DNAJC13: variants seen among roughly 807,000 people sequenced by gnomAD.
DNAJC13 encodes the protein DnaJ heat shock protein family (Hsp40) member C13, also known as dnaJ homolog subfamily C member 13.
Under a neutral mutation model 290.5 loss-of-function variants are expected in DNAJC13, and 75 were observed. The observed-to-expected ratio is 0.26, with a 90% CI of 0.21 to 0.31. The LOEUF (loss-of-function observed/expected upper bound fraction) is 0.31, where lower values mean the gene tolerates loss of function less well. Ranked by LOEUF, DNAJC13 falls within the 10% of genes least tolerant of loss-of-function variation. The pLI is 1.00. For missense variants in DNAJC13, 2,260 were observed against 2,674.5 expected (o/e 0.85, Z 3.42); for synonymous variants, 862 against 892.0 (o/e 0.97, Z 0.60).
At chr3:132,523,266 C>G in intron 50 of DNAJC13, 67 bp downstream of exon 50, 1 of 1,535,214 alleles carries the variant, frequency 6.5e-7, no homozygotes, top group Non-Finnish European at 9.0e-7. Context: ...TCTACTGAGT[C>G]AGTTTAATGC....
At chr3:132,500,459 C>T (rs1453970314) in intron 38 of DNAJC13, among the ~76,000 whole-genome samples, 1 of 152,174 alleles carries the variant, frequency 6.6e-6, no homozygotes, top group Non-Finnish European at 1.5e-5. Flanking sequence ...ATGAGTCTTT[C>T]AGGCTTCATA....
chr3:132,495,606 AATC>A (rs1935211913), intron 35 of DNAJC13, among the ~76,000 whole-genome samples: 1 of 152,142 alleles, frequency 6.6e-6, no homozygotes, highest in Non-Finnish European at 1.5e-5. Context: ...TCAGATTTTA[AATC>A]ATCATTCCCT....
At position 132,444,126 on chromosome 3, in the gene DNAJC13, CCTCCTG is replaced by C. The variant is rs918476666; in HGVS notation, c.69-2347_69-2342del. On this transcript the variant is annotated intron_variant, in intron 2 of 55. Transcript: ENST00000260818. ...AGCATTACCGCCTGAGCTCCATCCA[CCTCCTG>C]CACATGAGAGGGATCTAGGTTGTGT... Among the ~76,000 whole-genome samples the C allele has an allele frequency of 1.2e-4, 18 of 152,238 alleles. 1 individual carries two copies. The highest frequency in any genetic ancestry group is 4.1e-4 in the African/African-American group (17 of 41,536).
At position 132,471,799 on chromosome 3, in the gene DNAJC13, C is replaced by T. The variant is rs1056839289; in HGVS notation, c.2209-1346C>T. 8.3e-5 allele frequency among the ~76,000 whole-genome samples: 12 copies of T among 144,204 alleles called. 1 individual carries two copies. In the East Asian group the frequency reaches 2.5e-3, roughly 30 times the overall value. 94.6% of individuals were successfully genotyped at this position (144,204 alleles called of 152,430 possible). On this transcript the variant is annotated intron_variant, in intron 20 of 55. Coordinates refer to ENST00000260818, the MANE Select transcript of DNAJC13 (RefSeq NM_015268.4). ...GCAGAGGGGCTCCTCACATCCCAGACGATGGGCGGCCAGGCAGAGACGGTC... is the reference window on the plus strand; with the variant it reads ...GCAGAGGGGCTCCTCACATCCCAGATGATGGGCGGCCAGGCAGAGACGGTC...
At chr3:132,484,309 A>G (rs1039630040) in intron 28 of DNAJC13, 18 of 488,488 alleles carry the variant, frequency 3.7e-5, no homozygotes, top group Non-Finnish European at 6.5e-5. Context: ...AGTGTGTTGA[A>G]CAACACCAAG....
intron 52 of DNAJC13, 98 bp from the exon 53 acceptor site, chr3:132,526,043 G>T (rs936698976): frequency 2.1e-6 from 3 of 1,458,510 alleles, no homozygotes; most frequent in South Asian, 1.4e-5. Flanking sequence ...TGAAAGTAAG[G>T]GATTCTTTTT....
chr3:132,450,400 T>G (rs894456472), intron 5 of DNAJC13, among the ~76,000 whole-genome samples: 1 of 152,136 alleles, frequency 6.6e-6, no homozygotes, highest in South Asian at 2.1e-4. Flanking sequence ...AATAGCTTCA[T>G]AAAATATTGT....
At chr3:132,501,823 C>T (rs1276270953) in intron 39 of DNAJC13, among the ~76,000 whole-genome samples, 1 of 152,098 alleles carries the variant, frequency 6.6e-6, no homozygotes, top group Non-Finnish European at 1.5e-5. Context: ...ACTAAAGTAT[C>T]AAGAAGTGAG....
intron 55 of DNAJC13, among the ~76,000 whole-genome samples, chr3:132,532,297 T>G (rs951562549): frequency 1.3e-5 from 2 of 152,196 alleles, no homozygotes; most frequent in Non-Finnish European, 2.9e-5. Context: ...TATTCAAAAT[T>G]AGAGGCTTTG....
chr3:132,527,356 T>C (rs926091675), intron 53 of DNAJC13, among the ~76,000 whole-genome samples: 5 of 152,206 alleles, frequency 3.3e-5, no homozygotes, highest in Non-Finnish European at 7.3e-5. Flanking sequence ...TGCATCTTTA[T>C]TATCTGGGCT....
intron 17 of DNAJC13, among the ~76,000 whole-genome samples, chr3:132,465,415 C>G (rs917367633): frequency 6.6e-6 from 1 of 152,078 alleles, no homozygotes; most frequent in Non-Finnish European, 1.5e-5. Context: ...ATGACTAAAC[C>G]ATAGATTGAA....
intron 3 of DNAJC13, 53 bp downstream of exon 3, chr3:132,446,603 A>G: frequency 7.7e-7 from 1 of 1,302,560 alleles, no homozygotes; most frequent in Non-Finnish European, 1.1e-6. Context: ...TTGAATTTTA[A>G]AAGCCAGGCT....
At chr3:132,475,670 C>A (rs1463847248) in intron 22 of DNAJC13, among the ~76,000 whole-genome samples, 1 of 152,138 alleles carries the variant, frequency 6.6e-6, no homozygotes, top group Non-Finnish European at 1.5e-5. Context: ...AGTTGCATTT[C>A]CATATTCCAT....
intron 2 of DNAJC13, among the ~76,000 whole-genome samples, chr3:132,439,430 GT>G (rs1344544189): frequency 2.0e-5 from 3 of 149,128 alleles, no homozygotes; most frequent in Admixed American, 6.7e-5. Context: ...ATACTGAGGG[GT>G]TTTTTTTGTT....
chr3:132,447,851 C>T, intron 4 of DNAJC13, 47 bp from the exon 5 acceptor site: 1 of 1,534,002 alleles, frequency 6.5e-7, no homozygotes, highest in Non-Finnish European at 9.0e-7. Flanking sequence ...GCCAAGTTTT[C>T]CTTACCAGTC....
At chr3:132,502,675 T>C (rs1183079054) in intron 40 of DNAJC13, among the ~76,000 whole-genome samples, 1 of 152,210 alleles carries the variant, frequency 6.6e-6, no homozygotes, top group Non-Finnish European at 1.5e-5. Context: ...GCAAGGGAAT[T>C]TGCAATAGCA....
intron 22 of DNAJC13, 136 bp downstream of exon 22, chr3:132,475,221 C>A: frequency 1.7e-6 from 1 of 574,666 alleles, no homozygotes; most frequent in Non-Finnish European, 2.6e-6. Context: ...GTAGGAAATA[C>A]TGGAAAACTT....
intron 46 of DNAJC13, among the ~76,000 whole-genome samples, chr3:132,515,462 A>G (rs1935891961): frequency 6.6e-6 from 1 of 151,930 alleles, no homozygotes; most frequent in African/African-American, 2.4e-5. Flanking sequence ...TCAATACATG[A>G]TATGCTTGAA....
At chr3:132,499,040 A>G (rs776865833) in intron 36 of DNAJC13, 86 bp from the exon 37 acceptor site, 18 of 1,256,370 alleles carry the variant, frequency 1.4e-5, no homozygotes, top group Non-Finnish European at 2.0e-5. Flanking sequence ...TTAAGGCAAC[A>G]TATTCTTGAA....
Sources: gnomAD v4.1 joint callset for allele counts (sites outside exome capture counted in the v4.1 genomes callset) on GRCh38, gnomAD v4.1.1 for gene constraint, MANE v1.5 for transcripts, NCBI Gene and HGNC (gene_info 2026-07-23, HGNC 2026-07-21) for gene names.